The following CWC27 variants were observed in gnomAD, a reference collection of about 807,000 sequenced individuals.
The protein encoded by CWC27 is spliceosome-associated protein CWC27 homolog.
A neutral mutation model predicts 63.6 loss-of-function variants in CWC27; 47 were observed. That is an observed-to-expected ratio of 0.74 (90% CI 0.58 to 0.94). The LOEUF (loss-of-function observed/expected upper bound fraction) is 0.94, where lower values mean the gene tolerates loss of function less well. Among genes scored for constraint, CWC27 ranks in the 40% least tolerant of loss-of-function variants. The pLI, the probability that CWC27 is intolerant of heterozygous loss-of-function variation, is 0.00. For missense variants in CWC27, 495 were observed against 554.3 expected, an observed-to-expected ratio of 0.89 and a Z score of 1.07; for synonymous variants, 175 against 179.8, an observed-to-expected ratio of 0.97 and a Z score of 0.22.
At chr5:64,966,296 T>G (rs1471988122) in intron 11 of CWC27, among the ~76,000 whole-genome samples, 1 of 152,156 alleles carries the variant, frequency 6.6e-6, no homozygotes, top group African/African-American at 2.4e-5. Flanking sequence ...CAAGCTTGAC[T>G]TGTGCAAGAG....
intron 11 of CWC27, among the ~76,000 whole-genome samples, chr5:64,934,316 T>C (rs1422803179): frequency 6.6e-6 from 1 of 152,200 alleles, no homozygotes; most frequent in South Asian, 2.1e-4. Flanking sequence ...TGTGTTCTCA[T>C]TGTTCAACTC....
At chr5:64,856,881 G>C (rs1485824427) in intron 10 of CWC27, among the ~76,000 whole-genome samples, 1 of 152,090 alleles carries the variant, frequency 6.6e-6, no homozygotes, top group Non-Finnish European at 1.5e-5. Flanking sequence ...TCTTCATACA[G>C]TAACACTTTG....
At chr5:64,891,322 G>A (rs961404436) in intron 11 of CWC27, among the ~76,000 whole-genome samples, 2 of 152,096 alleles carry the variant, frequency 1.3e-5, no homozygotes, top group Non-Finnish European at 2.9e-5. Flanking sequence ...GAAAAATAGA[G>A]CTTTATTCTG....
At chr5:64,829,143 AT>A (rs1162751546) in intron 10 of CWC27, among the ~76,000 whole-genome samples, 1 of 152,082 alleles carries the variant, frequency 6.6e-6, no homozygotes, top group African/African-American at 2.4e-5. Context: ...TTATAAAATG[AT>A]TTTTCATGAT....
At chr5:64,879,791 A>C (rs1300487391) in intron 10 of CWC27, among the ~76,000 whole-genome samples, 1 of 57,316 alleles carries the variant, frequency 1.7e-5, no homozygotes, top group East Asian at 9.0e-4. Flanking sequence ...AATCGGTTGC[A>C]AAAAAAAAAA....
intron 10 of CWC27, among the ~76,000 whole-genome samples, chr5:64,871,093 A>G (rs936827905): frequency 1.3e-5 from 2 of 152,114 alleles, no homozygotes; most frequent in African/African-American, 4.8e-5. Flanking sequence ...TGATATTATA[A>G]TAACAAAAAA....
intron 11 of CWC27, among the ~76,000 whole-genome samples, chr5:64,962,873 A>T (rs1455387664): frequency 6.6e-6 from 1 of 152,160 alleles, no homozygotes; most frequent in Non-Finnish European, 1.5e-5. Context: ...ATAAATGACC[A>T]CCCTAGAGAG....
chr5:64,918,078 G>C (rs1418945294), intron 11 of CWC27, among the ~76,000 whole-genome samples: 1 of 151,968 alleles, frequency 6.6e-6, no homozygotes, highest in Non-Finnish European at 1.5e-5. Flanking sequence ...TAGCATCTGA[G>C]TTTCAGTCCA....
chr5:64,954,405 C>T (rs1463338859), intron 11 of CWC27, among the ~76,000 whole-genome samples: 1 of 151,990 alleles, frequency 6.6e-6, no homozygotes, highest in African/African-American at 2.4e-5. Flanking sequence ...CCTCCCGACT[C>T]ATCCTCCCAA....
At chr5:64,850,049 A>C (rs1746094862) in intron 10 of CWC27, among the ~76,000 whole-genome samples, 1 of 152,144 alleles carries the variant, frequency 6.6e-6, no homozygotes, top group Non-Finnish European at 1.5e-5. Flanking sequence ...TTAGAAATAG[A>C]AAAAATAATC....
intron 11 of CWC27, among the ~76,000 whole-genome samples, chr5:64,956,163 TAATC>T (rs1748799259): frequency 6.6e-6 from 1 of 152,118 alleles, no homozygotes; most frequent in South Asian, 2.1e-4. Context: ...GGCTCACAAA[TAATC>T]AATAATTAGG....
At chr5:64,945,376 G>T (rs1469530327) in intron 11 of CWC27, among the ~76,000 whole-genome samples, 2 of 152,068 alleles carry the variant, frequency 1.3e-5, no homozygotes, top group African/African-American at 4.8e-5. Flanking sequence ...AAATAAAATT[G>T]GAGGCTGAAT....
At chr5:64,822,788 A>C (rs1314633173) in intron 10 of CWC27, among the ~76,000 whole-genome samples, 1 of 152,174 alleles carries the variant, frequency 6.6e-6, no homozygotes, top group East Asian at 1.9e-4. Context: ...GAATTTCTGC[A>C]TTTTTGGAAA....
intron 10 of CWC27, among the ~76,000 whole-genome samples, chr5:64,852,788 T>A (rs540162524): frequency 2.8e-4 from 42 of 151,930 alleles, no homozygotes; most frequent in Non-Finnish European, 4.0e-4. Flanking sequence ...TTTTTTTTTT[T>A]AATTAAATTA....
At chr5:64,807,804 T>A (rs1023109842) in intron 10 of CWC27, 1 of 1,534,978 alleles carries the variant, frequency 6.5e-7, no homozygotes, top group Non-Finnish European at 8.7e-7. Flanking sequence ...TTTTATGAAA[T>A]GAGAGTAAAT....
intron 11 of CWC27, among the ~76,000 whole-genome samples, chr5:64,952,612 C>A (rs1246157114): frequency 1.3e-5 from 2 of 151,932 alleles, no homozygotes; most frequent in African/African-American, 4.8e-5. Context: ...TTTATCCTCT[C>A]CCTCACTATA....
rs550859505 is a variant in CWC27 at position 64,921,465 on chromosome 5, G to A, written c.1042+35919G>A. Among the ~76,000 whole-genome samples, 3 of 152,152 alleles carry A rather than the reference G, an allele frequency of 2.0e-5. No homozygotes were observed. In the South Asian group the frequency reaches 6.2e-4, roughly 32 times the overall value. The stretch of plus-strand genomic sequence containing the variant: ...TATTAAGACCAGTTGGTTAAGCGTC[G>A]AGTTTAAGTACAGAATAACCCCTTC... On this transcript the variant is annotated intron_variant, in intron 11 of 13. Coordinates refer to ENST00000381070, the MANE Select transcript of CWC27 (RefSeq NM_005869.4).
intron 13 of CWC27, among the ~76,000 whole-genome samples, chr5:65,007,875 G>A (rs557695627): frequency 6.2e-4 from 95 of 152,130 alleles, no homozygotes; most frequent in African/African-American, 2.1e-3. Flanking sequence ...TGATCCGCCC[G>A]CCTCGGCCTC....
At chr5:65,012,536 G>T (rs6889690) in intron 13 of CWC27, among the ~76,000 whole-genome samples, 11 of 152,342 alleles carry the variant, frequency 7.2e-5, no homozygotes, top group Admixed American at 4.6e-4. Flanking sequence ...CTTCATGGAA[G>T]TAGGGCCTGG....
Sources: allele counts gnomAD v4.1 joint callset (sites outside exome capture counted in the v4.1 genomes callset), GRCh38; gene constraint gnomAD v4.1.1; transcripts MANE v1.5; gene names NCBI Gene and HGNC (gene_info 2026-07-23, HGNC 2026-07-21).